Variants in OR51B5 observed in about 807,000 individuals in gnomAD.
OR51B5 encodes the protein olfactory receptor 51B5.
For synonymous variants in OR51B5, 186 were observed against 144.8 expected, an observed-to-expected ratio of 1.28 and a Z score of -2.04; for missense variants, 456 against 374.6, an observed-to-expected ratio of 1.22 and a Z score of -1.79.
intron 1 of OR51B5, among the ~76,000 whole-genome samples, chr11:5,485,603 A>G (rs1590023546): frequency 6.6e-6 from 1 of 151,972 alleles, no homozygotes; most frequent in Admixed American, 6.6e-5. Flanking sequence ...TGCTCCTTGC[A>G]CCCCCACTTC....
At chr11:5,343,448 G>A in exon 1 of OR51B5, 5 of 1,600,932 alleles carry the variant, frequency 3.1e-6, no homozygotes, top group Non-Finnish European at 4.3e-6. Context: ...GAAAAATACG[G>A]AAATCCAGTG....
At chr11:5,378,018 A>C (rs746050837) in intron 1 of OR51B5, among the ~76,000 whole-genome samples, 2 of 142,564 alleles carry the variant, frequency 1.4e-5, no homozygotes, top group African/African-American at 2.5e-5. Context: ...TCCTAAGCCA[A>C]AAGAACAAAG....
chr11:5,340,867 TGTGG>T (rs1848882343), downstream of OR51B5: 1 of 152,210 alleles, frequency 6.6e-6, no homozygotes, highest in African/African-American at 2.4e-5. Context: ...TAAAATAAGT[TGTGG>T]ATGTAGTAGA....
intron 1 of OR51B5, among the ~76,000 whole-genome samples, chr11:5,396,965 G>A (rs1247227875): frequency 1.6e-4 from 24 of 152,092 alleles, no homozygotes; most frequent in African/African-American, 5.3e-4. Flanking sequence ...AGGATTCCCT[G>A]TTTAATAAAT....
At chr11:5,354,895 C>G (rs142910962) in intron 1 of OR51B5, 385 of 175,456 alleles carry the variant, frequency 2.2e-3, no homozygotes, top group African/African-American at 8.9e-3. Context: ...CAATCAAAGG[C>G]ATTCAAGAGA....
chr11:5,342,671 AT>A lies in OR51B5; in HGVS notation c.853del (p.Met285Ter), dbSNP rs1848914515. The A allele has an allele frequency of 6.2e-7, 1 of 1,614,052 alleles. No homozygotes were observed. Among genetic ancestry groups the A allele is most frequent in the Non-Finnish European group, 8.5e-7 (1 of 1,179,952 alleles). ...CTTGACACTATATGTTATAGGATTC[AT>A]TAGTGGAGGGAACAGAAAATAGGCA... On this transcript the variant is annotated frameshift_variant, in exon 1 of 1. Transcript: ENST00000300773. LOFTEE classifies it low-confidence loss of function (END_TRUNC).
intron 1 of OR51B5, among the ~76,000 whole-genome samples, chr11:5,452,286 C>T (rs954972997): frequency 6.6e-6 from 1 of 151,960 alleles, no homozygotes; most frequent in African/African-American, 2.4e-5. Flanking sequence ...AGGCGGATCA[C>T]GAGGTCAGGA....
At chr11:5,422,715 A>G (rs748278898) in intron 1 of OR51B5, 48 of 1,612,832 alleles carry the variant, frequency 3.0e-5, no homozygotes, top group Non-Finnish European at 3.9e-5. Flanking sequence ...CCTTTCTGCC[A>G]CTCCCACCTT....
intron 1 of OR51B5, among the ~76,000 whole-genome samples, chr11:5,366,404 C>G (rs534228289): frequency 6.6e-6 from 1 of 151,988 alleles, no homozygotes; most frequent in Non-Finnish European, 1.5e-5. Context: ...GGCAAGAGTT[C>G]GAGACCAGCC....
At chr11:5,385,516 T>C (rs1182338629) in intron 1 of OR51B5, 1 of 145,424 alleles carries the variant, frequency 6.9e-6, no homozygotes, top group Non-Finnish European at 1.5e-5. Context: ...ATATATATAG[T>C]GGTACCTACC....
At chr11:5,347,537 A>G (rs1204009457), upstream of OR51B5, among the ~76,000 whole-genome samples, 1 of 152,202 alleles carries the variant, frequency 6.6e-6, no homozygotes, top group Non-Finnish European at 1.5e-5. Context: ...TGTGATGGCA[A>G]TTATTATATG....
rs761167652 is a variant in OR51B5 at position 5,390,187 on chromosome 11, C to T, written n.85-43277G>A. The T allele has an allele frequency of 3.6e-5, 58 of 1,613,878 alleles. 1 individual carries two copies. Among genetic ancestry groups the T allele is most frequent in the Non-Finnish European group, 4.6e-5 (54 of 1,179,886 alleles). ...CTCCTCTCTGTGCTGTGCTAGTATT[C>T]TTTGTGCCCATGATGGGGCTGTCCC... On this transcript the variant is annotated intron_variant and non_coding_transcript_variant, in intron 1 of 4. Transcript: ENST00000415970.
chr11:5,341,247 AAGCTGG>A (rs1237261469), downstream of OR51B5: 1 of 152,182 alleles, frequency 6.6e-6, no homozygotes, highest in Non-Finnish European at 1.5e-5. Context: ...GTGCATACTG[AAGCTGG>A]AGCTTAGCTT....
chr11:5,438,566 G>C (rs1470740183), intron 1 of OR51B5, among the ~76,000 whole-genome samples: 2 of 152,096 alleles, frequency 1.3e-5, no homozygotes, highest in Non-Finnish European at 2.9e-5. Flanking sequence ...TTTTAGCTTG[G>C]ACTGCCATTA....
chr11:5,437,278 A>G (rs533378427), intron 1 of OR51B5, among the ~76,000 whole-genome samples: 2 of 152,262 alleles, frequency 1.3e-5, no homozygotes, highest in Admixed American at 1.3e-4. Context: ...TAGATCCCTG[A>G]ATTCTGAGCT....
intron 1 of OR51B5, chr11:5,453,541 C>G: frequency 6.3e-7 from 1 of 1,599,690 alleles, no homozygotes. Flanking sequence ...ACTGGTATCC[C>G]TGGTCTGGAG....
At chr11:5,433,369 C>A (rs75509781) in intron 1 of OR51B5, among the ~76,000 whole-genome samples, 9,867 of 152,128 alleles carry the variant, frequency 0.065, 372 homozygotes, top group South Asian at 0.096. Context: ...AAGACAATAA[C>A]AGTGAAGTAG....
At chr11:5,421,062 A>C (rs1850327004) in intron 1 of OR51B5, among the ~76,000 whole-genome samples, 1 of 152,216 alleles carries the variant, frequency 6.6e-6, no homozygotes, top group Admixed American at 6.5e-5. Context: ...ATGCAGTTTC[A>C]AATCACATTC....
chr11:5,381,264 G>A (rs1038212440), intron 1 of OR51B5, among the ~76,000 whole-genome samples: 15 of 152,182 alleles, frequency 9.9e-5, no homozygotes, highest in Admixed American at 9.8e-4. Context: ...TTCACTTTTA[G>A]TAATGGATTT....
Sources: allele counts gnomAD v4.1 joint callset (sites outside exome capture counted in the v4.1 genomes callset), GRCh38; gene constraint gnomAD v4.1.1; transcripts MANE v1.5; gene names NCBI Gene and HGNC (gene_info 2026-07-23, HGNC 2026-07-21).